The following LRP1B variants were observed in gnomAD, a reference collection of about 807,000 sequenced individuals.
The protein encoded by LRP1B is LDL receptor related protein 1B.
Under a neutral mutation model 556.6 loss-of-function variants are expected in LRP1B, and 217 were observed. That is an observed-to-expected ratio of 0.39 (90% CI 0.35 to 0.44). The LOEUF (loss-of-function observed/expected upper bound fraction) is 0.44. LRP1B is among the 20% of genes least tolerant of loss of function. The pLI, the probability that LRP1B is intolerant of heterozygous loss-of-function variation, is 1.00. For missense variants in LRP1B, 5,053 were observed against 5,620.8 expected (o/e 0.90, Z 3.23); for synonymous variants, 2,047 against 1,865.8 (o/e 1.10, Z -2.50).
chr2:140,270,208 T>C, intron 86 of LRP1B, 34 bp downstream of exon 86: 1 of 1,471,712 alleles, frequency 6.8e-7, no homozygotes, highest in Non-Finnish European at 9.5e-7. Context: ...CAAAGGCTTA[T>C]TATAAGATGC....
intron 3 of LRP1B, among the ~76,000 whole-genome samples, chr2:141,452,184 GAA>G (rs903997316): frequency 1.5e-4 from 23 of 150,706 alleles, no homozygotes; most frequent in Admixed American, 1.3e-3. Context: ...AAGGAGGCTG[GAA>G]AAAAAAAGAG....
intron 66 of LRP1B, among the ~76,000 whole-genome samples, chr2:140,398,704 T>A (rs1022742984): frequency 6.6e-6 from 1 of 152,124 alleles, no homozygotes; most frequent in African/African-American, 2.4e-5. Flanking sequence ...GAATCAGAAT[T>A]CTTATGTAAT....
At chr2:141,961,375 T>C (rs1207253499) in intron 1 of LRP1B, among the ~76,000 whole-genome samples, 1 of 151,722 alleles carries the variant, frequency 6.6e-6, no homozygotes, top group Non-Finnish European at 1.5e-5. Context: ...GATAAAAGGT[T>C]CATGATTGGT....
chr2:141,767,305 T>G (rs981909973), intron 2 of LRP1B, among the ~76,000 whole-genome samples: 2 of 152,102 alleles, frequency 1.3e-5, no homozygotes, highest in African/African-American at 4.8e-5. Flanking sequence ...AGTCACCATT[T>G]TTATTTTAAG....
intron 43 of LRP1B, among the ~76,000 whole-genome samples, chr2:140,588,240 T>C (rs912305393): frequency 6.6e-6 from 1 of 152,218 alleles, no homozygotes; most frequent in Non-Finnish European, 1.5e-5. Flanking sequence ...AAAAAAAATC[T>C]AACACTGTTG....
chr2:140,393,370 T>C (rs1373019786), intron 66 of LRP1B, among the ~76,000 whole-genome samples: 1 of 152,090 alleles, frequency 6.6e-6, no homozygotes, highest in East Asian at 1.9e-4. Context: ...GTTTAGAAAA[T>C]GAAATACCAC....
At chr2:140,252,062 CAAAAAAAAAAAAAAA>C in intron 86 of LRP1B, among the ~76,000 whole-genome samples, 956 of 18,588 alleles carry the variant, frequency 0.051, 56 homozygotes, top group African/African-American at 0.23. Context: ...TGACAAGATG[CAAAAAAAAAAAAAAA>C]AAAAAAAAAA....
chr2:140,817,337 C>T (rs1031157225), intron 31 of LRP1B, among the ~76,000 whole-genome samples: 2 of 151,828 alleles, frequency 1.3e-5, no homozygotes, highest in East Asian at 3.9e-4. Flanking sequence ...AAATAAGTCA[C>T]TATTTAAATT....
chr2:141,081,972 T>G (rs903795763), intron 7 of LRP1B, among the ~76,000 whole-genome samples: 1 of 152,192 alleles, frequency 6.6e-6, no homozygotes, highest in Non-Finnish European at 1.5e-5. Context: ...GTATTGTCAA[T>G]GTTTTTTATA....
At chr2:142,019,011 C>T in intron 1 of LRP1B, among the ~76,000 whole-genome samples, 1 of 152,110 alleles carries the variant, frequency 6.6e-6, no homozygotes, top group East Asian at 1.9e-4. Flanking sequence ...CACTGGTTTT[C>T]ACTGTTTCAT....
chr2:141,409,447 G>T (rs987456835), intron 3 of LRP1B, among the ~76,000 whole-genome samples: 3 of 152,022 alleles, frequency 2.0e-5, no homozygotes, highest in Non-Finnish European at 4.4e-5. Flanking sequence ...TGTATATAAA[G>T]CTCTAGTACA....
intron 2 of LRP1B, among the ~76,000 whole-genome samples, chr2:141,537,985 C>T (rs1431855812): frequency 1.3e-5 from 2 of 152,104 alleles, no homozygotes; most frequent in Admixed American, 1.3e-4. Context: ...AAGTTTTCTC[C>T]GAACATTGTA....
intron 6 of LRP1B, among the ~76,000 whole-genome samples, chr2:141,209,420 A>C (rs1682447160): frequency 6.6e-6 from 1 of 152,178 alleles, no homozygotes; most frequent in Non-Finnish European, 1.5e-5. Flanking sequence ...AAGCCTCCCC[A>C]GCTATGCCGA....
At position 141,688,199 on chromosome 2, in the gene LRP1B, T is replaced by G. The variant is rs549823406; in HGVS notation, c.205+122080A>C. On this transcript the variant is annotated intron_variant, in intron 2 of 90. Coordinates refer to ENST00000389484, the MANE Select transcript of LRP1B (RefSeq NM_018557.3). ...ACGTTTTAGTTCAAATTTGTACATATAAATATACACACACACACACACACC... is the reference window on the plus strand; with the variant it reads ...ACGTTTTAGTTCAAATTTGTACATAGAAATATACACACACACACACACACC... Among the ~76,000 whole-genome samples, 95 of 151,696 alleles carry G rather than the reference T, an allele frequency of 6.3e-4. 1 individual carries two copies. In the South Asian group the frequency reaches 0.011, roughly 17 times the overall value.
chr2:141,544,381 T>TCTTCTTCTTCTTCTTCTTCTCCTC (rs1685463294), intron 2 of LRP1B, among the ~76,000 whole-genome samples: 2 of 79,756 alleles, frequency 2.5e-5, no homozygotes, highest in African/African-American at 8.7e-5. Context: ...TTCTTCTTCT[T>TCTTCTTCTTCTTCTTCTTCTCCTC]CTCCTCCTCC....
intron 2 of LRP1B, among the ~76,000 whole-genome samples, chr2:141,801,494 C>T (rs192689674): frequency 5.9e-5 from 9 of 152,112 alleles, no homozygotes; most frequent in East Asian, 1.9e-4. Flanking sequence ...CAAAGATAGC[C>T]GTTATTTGCA....
chr2:140,975,996 C>A (rs1311381607), intron 18 of LRP1B, among the ~76,000 whole-genome samples: 1 of 151,982 alleles, frequency 6.6e-6, no homozygotes, highest in Non-Finnish European at 1.5e-5. Context: ...TGGCTCACTG[C>A]AGCCTCAACC....
intron 77 of LRP1B, among the ~76,000 whole-genome samples, chr2:140,339,942 C>G (rs1410393511): frequency 6.6e-6 from 1 of 151,496 alleles, no homozygotes; most frequent in East Asian, 1.9e-4. Flanking sequence ...CTGCAATGAT[C>G]TACATTAGGA....
intron 41 of LRP1B, among the ~76,000 whole-genome samples, chr2:140,672,314 T>C (rs1230633285): frequency 6.6e-6 from 1 of 151,804 alleles, no homozygotes; most frequent in Non-Finnish European, 1.5e-5. Context: ...TCAAACCTCC[T>C]CTCTACTAAA....
Sources: gnomAD v4.1 joint callset for allele counts (sites outside exome capture counted in the v4.1 genomes callset) on GRCh38, gnomAD v4.1.1 for gene constraint, MANE v1.5 for transcripts, NCBI Gene and HGNC (gene_info 2026-07-23, HGNC 2026-07-21) for gene names.